CA10: variants seen among roughly 807,000 people sequenced by gnomAD.
The protein encoded by CA10 is carbonic anhydrase-related protein 10.
CA10 carries 14 observed loss-of-function variants against 44.2 expected under a neutral mutation model. That is an observed-to-expected ratio of 0.32 (90% CI 0.21 to 0.50). CA10 has a LOEUF of 0.50. Among genes scored for constraint, CA10 ranks in the 20% least tolerant of loss-of-function variants. CA10 has a pLI of 0.99. For synonymous variants in CA10, 159 were observed against 141.6 expected (o/e 1.12, Z -0.87); for missense variants, 350 against 409.7 (o/e 0.85, Z 1.26).
chr17:51,769,192 C>T (rs1905502714), intron 3 of CA10, among the ~76,000 whole-genome samples: 1 of 152,160 alleles, frequency 6.6e-6, no homozygotes, highest in African/African-American at 2.4e-5. Context: ...CTTGAGATTA[C>T]ACCCCAGGAT....
intron 4 of CA10, among the ~76,000 whole-genome samples, chr17:51,740,811 C>A (rs1904425723): frequency 6.6e-6 from 1 of 152,180 alleles, no homozygotes; most frequent in Non-Finnish European, 1.5e-5. Flanking sequence ...AGACATCTCC[C>A]TGGCAACCTC....
chr17:52,122,093 G>A (rs2066578095), intron 1 of CA10, among the ~76,000 whole-genome samples: 1 of 152,170 alleles, frequency 6.6e-6, no homozygotes, highest in Non-Finnish European at 1.5e-5. Context: ...AGAGGGAGAA[G>A]AGTAAGAAAA....
intron 4 of CA10, among the ~76,000 whole-genome samples, chr17:51,729,349 G>A (rs1442989840): frequency 6.6e-6 from 1 of 151,726 alleles, no homozygotes; most frequent in Non-Finnish European, 1.5e-5. Flanking sequence ...TTGTGTGTGT[G>A]TGTGTATCAC....
intron 3 of CA10, among the ~76,000 whole-genome samples, chr17:51,807,679 T>A (rs1196199189): frequency 6.6e-6 from 1 of 152,092 alleles, no homozygotes; most frequent in Non-Finnish European, 1.5e-5. Context: ...TACACAGCAG[T>A]GAAAAAGAAT....
chr17:51,736,117 G>C (rs9894042), intron 4 of CA10, among the ~76,000 whole-genome samples: 1,967 of 152,188 alleles, frequency 0.013, 50 homozygotes, highest in African/African-American at 0.045. Context: ...CTGTAGAATG[G>C]ACATCACTCA....
intron 4 of CA10, among the ~76,000 whole-genome samples, chr17:51,654,447 A>T (rs1913707729): frequency 6.6e-6 from 1 of 152,074 alleles, no homozygotes; most frequent in Non-Finnish European, 1.5e-5. Context: ...ACCCCACATC[A>T]CTGGGATCAA....
At chr17:52,029,817 A>G (rs186153254) in intron 2 of CA10, among the ~76,000 whole-genome samples, 2 of 152,084 alleles carry the variant, frequency 1.3e-5, no homozygotes, top group African/African-American at 4.8e-5. Flanking sequence ...CCTTAGCCAT[A>G]TGTTTCATTT....
chr17:51,890,784 C>G (rs1980821799), intron 3 of CA10, among the ~76,000 whole-genome samples: 1 of 152,154 alleles, frequency 6.6e-6, no homozygotes, highest in African/African-American at 2.4e-5. Flanking sequence ...AAAGCAAAAG[C>G]TGCCTTTATT....
At chr17:51,816,338 C>T (rs1248069991) in intron 3 of CA10, among the ~76,000 whole-genome samples, 3 of 152,122 alleles carry the variant, frequency 2.0e-5, no homozygotes, top group Non-Finnish European at 4.4e-5. Flanking sequence ...TTAGGTTGCT[C>T]CAAATCTTAG....
chr17:51,897,487 G>A (rs1981122481), intron 3 of CA10, among the ~76,000 whole-genome samples: 2 of 152,142 alleles, frequency 1.3e-5, no homozygotes, highest in African/African-American at 2.4e-5. Context: ...ATAATTTGAA[G>A]TCAGGTAATG....
At chr17:51,998,124 C>A (rs537371021) in intron 2 of CA10, among the ~76,000 whole-genome samples, 2 of 152,200 alleles carry the variant, frequency 1.3e-5, no homozygotes, top group Admixed American at 6.5e-5. Flanking sequence ...GATTGGGATG[C>A]TAAGTTGTTC....
chr17:51,879,748 G>A (rs1221549365), intron 3 of CA10, among the ~76,000 whole-genome samples: 3 of 152,316 alleles, frequency 2.0e-5, no homozygotes, highest in South Asian at 2.1e-4. Context: ...AGCATGAGGA[G>A]CAGAAATGAA....
intron 3 of CA10, among the ~76,000 whole-genome samples, chr17:51,852,785 A>G (rs1315444892): frequency 6.6e-6 from 1 of 152,200 alleles, no homozygotes; most frequent in Non-Finnish European, 1.5e-5. Context: ...AGGTTAAGTA[A>G]CATTTGGCAC....
intron 3 of CA10, among the ~76,000 whole-genome samples, chr17:51,901,431 G>T (rs1470284536): frequency 6.6e-6 from 1 of 152,072 alleles, no homozygotes; most frequent in African/African-American, 2.4e-5. Flanking sequence ...TCCAATAGGG[G>T]GTGCCAGCCA....
chr17:51,803,540 T>C (rs1228640026), intron 3 of CA10, among the ~76,000 whole-genome samples: 2 of 152,242 alleles, frequency 1.3e-5, no homozygotes, highest in African/African-American at 4.8e-5. Context: ...TGTTGGTTTA[T>C]TTCTACCTTT....
intron 3 of CA10, among the ~76,000 whole-genome samples, chr17:51,912,516 G>A (rs950656070): frequency 2.6e-5 from 4 of 152,142 alleles, no homozygotes; most frequent in African/African-American, 9.7e-5. Context: ...AAACTTGCCT[G>A]CCATTTCTCT....
At chr17:51,664,323 C>T (rs1220821382) in intron 4 of CA10, among the ~76,000 whole-genome samples, 4 of 151,964 alleles carry the variant, frequency 2.6e-5, no homozygotes, top group Non-Finnish European at 5.9e-5. Flanking sequence ...TTAATACTAG[C>T]TAGTGGAAAA....
At chr17:52,047,450 T>C (rs1195681552) in intron 2 of CA10, among the ~76,000 whole-genome samples, 3 of 151,788 alleles carry the variant, frequency 2.0e-5, no homozygotes, top group Non-Finnish European at 4.4e-5. Context: ...AAATAATATC[T>C]CAACAGAATA....
At chr17:51,930,046 T>C (rs1341855411) in intron 3 of CA10, among the ~76,000 whole-genome samples, 1 of 152,108 alleles carries the variant, frequency 6.6e-6, no homozygotes, top group Non-Finnish European at 1.5e-5. Context: ...TATATTTCAA[T>C]ACATCAGAAG....
Sources: allele counts gnomAD v4.1 joint callset (sites outside exome capture counted in the v4.1 genomes callset), GRCh38; gene constraint gnomAD v4.1.1; transcripts MANE v1.5; gene names NCBI Gene and HGNC (gene_info 2026-07-23, HGNC 2026-07-21).